Variants in SLC39A5 observed in about 807,000 individuals in gnomAD.
SLC39A5 encodes zinc transporter ZIP5.
SLC39A5 carries 42 observed loss-of-function variants against 46.9 expected under a neutral mutation model. The ratio of observed to expected loss-of-function variants is 0.90; its 90% CI spans 0.70 to 1.16. The LOEUF (loss-of-function observed/expected upper bound fraction) is 1.16. SLC39A5 is among the 50% of genes most tolerant of loss of function. The pLI, the probability that SLC39A5 is intolerant of heterozygous loss-of-function variation, is 0.00. For synonymous variants in SLC39A5, 311 were observed against 323.1 expected (o/e 0.96, Z 0.40); for missense variants, 677 against 686.8 (o/e 0.99, Z 0.16).
intron 5 of SLC39A5, among the ~76,000 whole-genome samples, chr12:56,233,973 C>T (rs1211054738): frequency 6.6e-6 from 1 of 152,142 alleles, no homozygotes; most frequent in East Asian, 1.9e-4. Flanking sequence ...ACAATGCTCA[C>T]TAGCACCCAG....
rs1301001913 is a variant in SLC39A5 at position 56,235,566 on chromosome 12, G to A, written c.811G>A (p.Glu271Lys). 6.2e-7 allele frequency: 1 copy of A among 1,613,866 alleles called. No homozygotes were observed. Among genetic ancestry groups the A allele is most frequent in the Non-Finnish European group, 8.5e-7 (1 of 1,179,944 alleles). ...CTGACCTTCTCTCTGTCAGGCACAA[G>A]AAGGGCGGCACGCAGGACCTGGCGG... ...ALLHLLPHAQ[E>K]GRHAGPGGLP... Residue 271 changes from glutamate (E) to lysine (K), a missense_variant, in exon 8 of 13, where the codon GAA becomes AAA. Glu to Lys is a moderately conservative substitution (Grantham distance 56). Transcript: ENST00000454355.
At chr12:56,236,773 C>A (rs993219133) in intron 10 of SLC39A5, 27 bp downstream of exon 10, 2 of 1,581,662 alleles carry the variant, frequency 1.3e-6, no homozygotes, top group Non-Finnish European at 8.6e-7. Flanking sequence ...CGGAGGGAAG[C>A]AGGTCCGAGG....
chr12:56,236,872 A>G (rs1870836419), intron 10 of SLC39A5, 59 bp from the exon 11 acceptor site: 2 of 1,606,598 alleles, frequency 1.2e-6, no homozygotes, highest in African/African-American at 2.7e-5. Flanking sequence ...GAACACAGGA[A>G]CCTGCTTCTG....
At chr12:56,232,153 TTTC>T (rs1443964892) in intron 4 of SLC39A5, among the ~76,000 whole-genome samples, 4 of 150,082 alleles carry the variant, frequency 2.7e-5, no homozygotes, top group Middle Eastern at 3.4e-3. Flanking sequence ...TCTTTTTTCT[TTTC>T]TTTTCTTTTT....
intron 5 of SLC39A5, 142 bp downstream of exon 5, chr12:56,233,014 C>G: frequency 1.2e-6 from 1 of 845,930 alleles, no homozygotes; most frequent in Non-Finnish European, 1.8e-6. Flanking sequence ...GTAATCCCAA[C>G]ACTTTGGGAG....
At chr12:56,234,574 C>T (rs964845828) in intron 5 of SLC39A5, among the ~76,000 whole-genome samples, 4 of 152,106 alleles carry the variant, frequency 2.6e-5, no homozygotes, top group African/African-American at 9.7e-5. Flanking sequence ...CTCAGCCTCC[C>T]AAAGTGCTGG....
Position 56,237,837 on chromosome 12 carries a change from C to T in SLC39A5, c.*106C>T. On this transcript the variant is annotated 3_prime_UTR_variant, in exon 13 of 13. Coordinates refer to ENST00000454355, the MANE Select transcript of SLC39A5 (RefSeq NM_173596.3). ...GCAATAGGATTTTAATAAACAGAACCCATCCCAAAGCCATGACTACGACAG... is the reference window on the plus strand; with the variant it reads ...GCAATAGGATTTTAATAAACAGAACTCATCCCAAAGCCATGACTACGACAG... The T allele has an allele frequency of 7.6e-7, 1 of 1,316,522 alleles. No homozygotes were observed. The highest frequency in any genetic ancestry group is 1.5e-5 in the South Asian group (1 of 64,920). 81.6% of individuals were successfully genotyped at this position (1,316,522 alleles called of 1,614,324 possible). A position where few individuals can be genotyped will look rare whatever the true frequency, so the allele number is the denominator to read the frequency against.
intron 11 of SLC39A5, 29 bp downstream of exon 11, chr12:56,237,040 G>A (rs1428785151): frequency 6.2e-7 from 1 of 1,613,800 alleles, no homozygotes; most frequent in Non-Finnish European, 8.5e-7. Context: ...GGGTGGGGTG[G>A]ACTCCAGAAA....
At chr12:56,234,314 ATTT>A (rs149900118) in intron 5 of SLC39A5, among the ~76,000 whole-genome samples, 8 of 117,840 alleles carry the variant, frequency 6.8e-5, no homozygotes, top group Non-Finnish European at 7.2e-5. Flanking sequence ...TCCCCAGCTA[ATTT>A]TTTTTTTTTT....
At chr12:56,233,409 C>T (rs1222257115) in intron 5 of SLC39A5, among the ~76,000 whole-genome samples, 1 of 150,604 alleles carries the variant, frequency 6.6e-6, no homozygotes, top group Non-Finnish European at 1.5e-5. Context: ...GAGATTGCAC[C>T]ACTGCACTCC....
At chr12:56,232,236 G>A (rs1870295074) in intron 4 of SLC39A5, among the ~76,000 whole-genome samples, 4 of 146,470 alleles carry the variant, frequency 2.7e-5, no homozygotes, top group Admixed American at 7.0e-5. Context: ...TGTGATCTTG[G>A]CTCACTGTAA....
rs778930972 is a variant in SLC39A5 at position 56,234,982 on chromosome 12, A to G, written c.630A>G (p.Leu210=). 9.3e-6 allele frequency: 15 copies of G among 1,612,914 alleles called. No individual in the cohort carries two copies. In the South Asian group the frequency reaches 1.6e-4, roughly 18 times the overall value. The part of the protein sequence containing the change: ...APAPAPPGDL[L]SALLQSALAV... ...CCCCTGCACCCCCAGGGGATCTACT[A>G]TCTGGTCAGCAAGTAGGAGTGGGTG... The change falls in exon 6 of 13, where the codon CTA becomes CTG. Residue 210 remains leucine, a synonymous_variant. Transcript: ENST00000454355.
chr12:56,237,174 C>A lies in SLC39A5; in HGVS notation c.1313C>A (p.Ser438Ter). Residue 438 changes from serine (S) to a stop codon, truncating the protein, a stop_gained, in exon 12 of 13, where the codon TCA (serine) becomes TAA (stop). Coordinates refer to ENST00000454355, the MANE Select transcript of SLC39A5 (RefSeq NM_173596.3). LOFTEE classifies it high-confidence loss of function. ...GGTGACTTTGCCATGCTGCTCCAGT[C>A]AGGGCTGTCCTTTCGGCGGCTGCTG... ...ELGDFAMLLQSGLSFRRLLLL... is the reference protein window; with the variant it reads ...ELGDFAMLLQ 6.2e-7 allele frequency: 1 copy of A among 1,613,868 alleles called. No homozygotes were observed. Among genetic ancestry groups the A allele is most frequent in the Non-Finnish European group, 8.5e-7 (1 of 1,180,020 alleles).
chr12:56,234,467 A>T (rs963153049), intron 5 of SLC39A5, among the ~76,000 whole-genome samples: 5 of 152,014 alleles, frequency 3.3e-5, no homozygotes, highest in African/African-American at 1.2e-4. Context: ...GGTGCACGCC[A>T]CCATGCCCAG....
At chr12:56,232,593 C>T (rs1870331302) in intron 4 of SLC39A5, 96 bp from the exon 5 acceptor site, 15 of 1,116,134 alleles carry the variant, frequency 1.3e-5, no homozygotes, top group African/African-American at 4.9e-5. Context: ...CAGTCAGTGG[C>T]TAGTCCCCCC....
chr12:56,235,634 A>G lies in SLC39A5; in HGVS notation c.879A>G (p.Gly293=), dbSNP rs138798738. The change falls in exon 8 of 13, where the codon GGA becomes GGG. Residue 293 remains glycine, a synonymous_variant. Coordinates refer to ENST00000454355, the MANE Select transcript of SLC39A5 (RefSeq NM_173596.3). ...TGGGCCCGGGGCTGTCAGTGCTCGGAGGCCTCTTCCTGCTCTTTGTGCTGG... is the reference window on the plus strand; with the variant it reads ...TGGGCCCGGGGCTGTCAGTGCTCGGGGGCCTCTTCCTGCTCTTTGTGCTGG... ...KDLGPGLSVL[G]GLFLLFVLEN... 718 of 1,614,128 alleles carry G rather than the reference A, an allele frequency of 4.4e-4. 6 individuals are homozygous for G. The African/African-American group carries it at 8.9e-3, about 20-fold the overall frequency.
chr12:56,234,505 G>C (rs1485236407), intron 5 of SLC39A5, among the ~76,000 whole-genome samples: 2 of 152,048 alleles, frequency 1.3e-5, no homozygotes, highest in Non-Finnish European at 2.9e-5. Context: ...AGTAGAGACA[G>C]GGTTTCACCA....
chr12:56,231,577 T>A lies in SLC39A5; in HGVS notation c.287+16T>A. On this transcript the variant is annotated intron_variant, in intron 4 of 12. Transcript: ENST00000454355. ...CCACACACAGGTACTGACCCCTTCC[T>A]CCACTCCACAGGGCCACATCTCCCA... is the stretch of plus-strand genomic sequence containing the variant. 6.6e-7 allele frequency: 1 copy of A among 1,521,516 alleles called. No individual in the cohort carries two copies. The highest frequency in any genetic ancestry group is 8.8e-7 in the Non-Finnish European group (1 of 1,133,886). 94.3% of individuals were successfully genotyped at this position (1,521,516 alleles called of 1,614,324 possible).
At chr12:56,235,912 G>A (rs1190713308) in intron 8 of SLC39A5, 1 of 575,926 alleles carries the variant, frequency 1.7e-6, no homozygotes, top group Non-Finnish European at 3.0e-6. Context: ...GCGTGGTGGT[G>A]CGTGTCTGTA....
Sources: gnomAD v4.1 joint callset for allele counts (sites outside exome capture counted in the v4.1 genomes callset) on GRCh38, gnomAD v4.1.1 for gene constraint, MANE v1.5 for transcripts, NCBI Gene and HGNC (gene_info 2026-07-23, HGNC 2026-07-21) for gene names.